Variants in ACSL1 observed in about 807,000 individuals in gnomAD.
ACSL1 encodes acyl-CoA synthetase long chain family member 1.
Under a neutral mutation model 98.4 loss-of-function variants are expected in ACSL1, and 41 were observed. The ratio of observed to expected loss-of-function variants is 0.42; its 90% CI spans 0.32 to 0.54. The LOEUF (loss-of-function observed/expected upper bound fraction) is 0.54. Ranked by LOEUF, ACSL1 falls within the 20% of genes least tolerant of loss-of-function variation. The pLI, the probability that ACSL1 is intolerant of heterozygous loss-of-function variation, is 0.13. For synonymous variants in ACSL1, 316 were observed against 322.7 expected (o/e 0.98, Z 0.22); for missense variants, 734 against 883.1 (o/e 0.83, Z 2.14).
rs74476612 is a variant in ACSL1 at position 184,760,738 on chromosome 4, C to G, written c.1639-238G>C. Among the ~76,000 whole-genome samples, 476 of 152,284 alleles carry G rather than the reference C, an allele frequency of 3.1e-3. 2 individuals are homozygous for G. The highest frequency in any genetic ancestry group is 0.011 in the African/African-American group (450 of 41,548). On this transcript the variant is annotated intron_variant, in intron 17 of 20. Coordinates refer to ENST00000281455, the MANE Select transcript of ACSL1 (RefSeq NM_001995.5). ...GAGACAGAGAAGGGGTCCTAGAGCC[C>G]GTGCTTATTCAGCGTCACCACTTGG...
chr4:184,756,964 C>G lies in ACSL1; in HGVS notation c.*161G>C, dbSNP rs4862413. 1 allele frequency: 858,314 copies of G among 858,522 alleles called. 429,054 individuals carry two copies. Among genetic ancestry groups the G allele is most frequent in the Middle Eastern group, 1 (2,708 of 2,708 alleles). 53.2% of individuals were successfully genotyped at this position (858,522 alleles called of 1,614,324 possible). On this transcript the variant is annotated 3_prime_UTR_variant, in exon 21 of 21. Coordinates refer to ENST00000281455, the MANE Select transcript of ACSL1 (RefSeq NM_001995.5). Reference sequence around the variant, plus strand: ...TGAGGTGACTGTAAGGCAGTGTTCTCTTTCCTCTAGCATTCCTATGAGAAG... The same window carrying G: ...TGAGGTGACTGTAAGGCAGTGTTCTGTTTCCTCTAGCATTCCTATGAGAAG...
Position 184,776,584 on chromosome 4 carries a change from G to C in ACSL1, c.656C>G (p.Pro219Arg). Residue 219 changes from proline (P) to arginine (R), a missense_variant, in exon 7 of 21, where the codon CCA becomes CGA. Transcript: ENST00000281455. The stretch of plus-strand genomic sequence containing the variant: ...CATGACAACTATGATTTTAAGGCCT[G>C]GTATTAACTTATTTTCTACACCCTC... The part of the protein sequence containing the change: ...LLEGVENKLI[P>R]GLKIIVVMDA... 6.2e-7 allele frequency: 1 copy of C among 1,614,092 alleles called. No homozygotes were observed. The highest frequency in any genetic ancestry group is 1.1e-5 in the South Asian group (1 of 91,082).
intron 1 of ACSL1, among the ~76,000 whole-genome samples, chr4:184,810,255 G>A (rs886757703): frequency 6.6e-6 from 1 of 152,216 alleles, no homozygotes; most frequent in East Asian, 1.9e-4. Flanking sequence ...TAGTTGACCT[G>A]TACAAGGACC....
At chr4:184,764,796 T>TA in intron 15 of ACSL1, 57 bp downstream of exon 15, 1 of 1,486,056 alleles carries the variant, frequency 6.7e-7, no homozygotes. Context: ...ATTCCAGACA[T>TA]ACCAATAACC....
intron 1 of ACSL1, among the ~76,000 whole-genome samples, chr4:184,819,515 C>T (rs963880168): frequency 6.6e-6 from 1 of 152,082 alleles, no homozygotes; most frequent in Admixed American, 6.6e-5. Context: ...GTGTCTTGAT[C>T]TTAGCTATAG....
At chr4:184,786,418 GCACACA>G (rs61564967) in intron 3 of ACSL1, among the ~76,000 whole-genome samples, 9,388 of 138,676 alleles carry the variant, frequency 0.068, 338 homozygotes, top group Non-Finnish European at 0.09. Flanking sequence ...TGGTGGCAAA[GCACACA>G]CACACACACA....
chr4:184,808,766 T>C (rs1005634765), intron 1 of ACSL1, among the ~76,000 whole-genome samples: 3 of 152,176 alleles, frequency 2.0e-5, no homozygotes, highest in Non-Finnish European at 4.4e-5. Context: ...CCATTCCCTT[T>C]TGAACCAAAA....
intron 1 of ACSL1, among the ~76,000 whole-genome samples, chr4:184,822,377 C>T (rs1773125746): frequency 6.6e-6 from 1 of 152,130 alleles, no homozygotes; most frequent in African/African-American, 2.4e-5. Flanking sequence ...CAATATTTCA[C>T]CCGCCCCTCT....
chr4:184,758,765 C>T (rs996624583), intron 18 of ACSL1: 3 of 149,990 alleles, frequency 2.0e-5, no homozygotes, highest in Non-Finnish European at 3.0e-5. Flanking sequence ...ACAACTTTTT[C>T]TTTTTTTTTT....
In ACSL1 at chr4:184,802,231, A is replaced by G. The variant is rs560281119; in HGVS notation, c.195+1089T>C. Among the ~76,000 whole-genome samples, 70 of 152,358 alleles carry G rather than the reference A, an allele frequency of 4.6e-4. 1 individual carries two copies. In the South Asian group the frequency reaches 6.0e-3, roughly 13 times the overall value. Reference sequence around the variant, plus strand: ...TGAAGAATCTTTTATATATTTTAAGAGTTTCACATTAATGAATCCAAGAAC... The same window carrying G: ...TGAAGAATCTTTTATATATTTTAAGGGTTTCACATTAATGAATCCAAGAAC... On this transcript the variant is annotated intron_variant, in intron 2 of 20. Coordinates refer to ENST00000281455, the MANE Select transcript of ACSL1 (RefSeq NM_001995.5).
Position 184,757,770 on chromosome 4 carries a change from T to C in ACSL1, c.1884+49A>G. On this transcript the variant is annotated intron_variant, in intron 19 of 20. Transcript: ENST00000281455. This position sits in a 1 kb window ranked among gnomAD's most constrained non-coding sequence, Gnocchi z 4.5. ...AGGTCCCTGAATATCTACAGGTACA[T>C]TTAATGCCAAGTTATGATGAGGACA... is the stretch of plus-strand genomic sequence containing the variant. 1 of 1,611,688 alleles carries C rather than the reference T, an allele frequency of 6.2e-7. No homozygotes were observed. Among genetic ancestry groups the C allele is most frequent in the Non-Finnish European group, 8.5e-7 (1 of 1,177,884 alleles).
In ACSL1 at chr4:184,811,799, A is replaced by T. The variant is rs186672936; in HGVS notation, c.-32-8253T>A. On this transcript the variant is annotated intron_variant, in intron 1 of 20. Transcript: ENST00000281455. The stretch of plus-strand genomic sequence containing the variant: ...TGTAACTGTATACTTAAAAATGATT[A>T]GCATGACAAATTTTATGTTATATAT... 3.7e-4 allele frequency among the ~76,000 whole-genome samples: 57 copies of T among 152,320 alleles called. 1 individual carries two copies. Among genetic ancestry groups the T allele is most frequent in the Non-Finnish European group, 5.6e-4 (38 of 68,012 alleles).
chr4:184,793,667 TGAGA>T (rs1768815771), intron 2 of ACSL1, among the ~76,000 whole-genome samples: 1 of 150,658 alleles, frequency 6.6e-6, no homozygotes, highest in Non-Finnish European at 1.5e-5. Flanking sequence ...GAAGGGAGAG[TGAGA>T]GAGAGGAGGG....
At chr4:184,758,539 T>C (rs1323421279) in intron 18 of ACSL1, 1 of 152,194 alleles carries the variant, frequency 6.6e-6, no homozygotes, top group African/African-American at 2.4e-5. Flanking sequence ...GACAACAGAG[T>C]GAGACCCTAT....
chr4:184,813,907 A>G (rs1331498214), intron 1 of ACSL1: 5 of 455,552 alleles, frequency 1.1e-5, no homozygotes, highest in African/African-American at 8.0e-5. Flanking sequence ...CACGCAGAGA[A>G]GGTACCTAGA....
At chr4:184,780,545 C>A in intron 4 of ACSL1, 112 bp from the exon 5 acceptor site, 1 of 684,138 alleles carries the variant, frequency 1.5e-6, no homozygotes, top group Non-Finnish European at 2.5e-6. Flanking sequence ...CACACAGAAA[C>A]GGAGAGGGAA....
chr4:184,762,601 G>A (rs1763013940), intron 16 of ACSL1, 78 bp from the exon 17 acceptor site: 16 of 1,249,070 alleles, frequency 1.3e-5, no homozygotes, highest in Middle Eastern at 1.9e-4. Flanking sequence ...ATGTGTGTAC[G>A]TGTGTGTCTG....
chr4:184,780,955 C>T (rs928098888), intron 4 of ACSL1, among the ~76,000 whole-genome samples: 6 of 152,042 alleles, frequency 3.9e-5, no homozygotes, highest in African/African-American at 1.4e-4. Flanking sequence ...AGCCTACATA[C>T]AGGCCAGGCA....
intron 1 of ACSL1, among the ~76,000 whole-genome samples, chr4:184,811,143 T>C (rs545602839): frequency 1.6e-4 from 25 of 151,796 alleles, no homozygotes; most frequent in South Asian, 1.3e-3. Flanking sequence ...GAGTCTCACT[T>C]TGTCGCCCAG....
Sources: gnomAD v4.1 joint callset for allele counts (sites outside exome capture counted in the v4.1 genomes callset) on GRCh38, gnomAD v4.1.1 for gene constraint, Gnocchi (gnomAD v3.1) non-coding constraint, MANE v1.5 for transcripts, NCBI Gene and HGNC (gene_info 2026-07-23, HGNC 2026-07-21) for gene names.